The following GRM7 variants were observed in gnomAD, a reference collection of about 807,000 sequenced individuals.
GRM7 encodes the protein glutamate metabotropic receptor 7.
GRM7 carries 35 observed loss-of-function variants against 84.5 expected under a neutral mutation model. The ratio of observed to expected loss-of-function variants is 0.41; its 90% CI spans 0.32 to 0.55. GRM7 has a LOEUF of 0.55. Ranked by LOEUF, GRM7 falls within the 20% of genes least tolerant of loss-of-function variation. The pLI is 0.19. For missense variants in GRM7, 1,003 were observed against 1,194.6 expected (o/e 0.84, Z 2.36); for synonymous variants, 487 against 455.1 (o/e 1.07, Z -0.89).
At chr3:7,366,598 C>A (rs893224675) in intron 4 of GRM7, among the ~76,000 whole-genome samples, 3 of 151,736 alleles carry the variant, frequency 2.0e-5, no homozygotes, top group African/African-American at 7.2e-5. Context: ...CTTTATTTTT[C>A]TGTAAGTGCA....
chr3:7,299,612 T>C (rs1699928971), intron 3 of GRM7, among the ~76,000 whole-genome samples: 1 of 152,206 alleles, frequency 6.6e-6, no homozygotes, highest in South Asian at 2.1e-4. Context: ...CTTGTGGAGA[T>C]ATTCTGTATA....
intron 7 of GRM7, among the ~76,000 whole-genome samples, chr3:7,556,363 A>G (rs1025130485): frequency 6.6e-6 from 1 of 152,138 alleles, no homozygotes; most frequent in Non-Finnish European, 1.5e-5. Context: ...CTATGTTTTC[A>G]TCATTTTCAC....
chr3:6,885,625 G>C (rs1389442212), intron 1 of GRM7, among the ~76,000 whole-genome samples: 1 of 152,164 alleles, frequency 6.6e-6, no homozygotes, highest in Non-Finnish European at 1.5e-5. Flanking sequence ...CCCATGTCCG[G>C]TGCAAATGTA....
chr3:7,422,657 A>G (rs1372355640), intron 5 of GRM7, among the ~76,000 whole-genome samples: 1 of 152,124 alleles, frequency 6.6e-6, no homozygotes, highest in Non-Finnish European at 1.5e-5. Flanking sequence ...TGTCCTTAAT[A>G]CTTCAGTATT....
At chr3:7,238,307 T>C (rs538604171) in intron 2 of GRM7, among the ~76,000 whole-genome samples, 81 of 152,316 alleles carry the variant, frequency 5.3e-4, no homozygotes, top group African/African-American at 1.9e-3. Context: ...CACATTTGCT[T>C]CTGCTCTGCA....
At chr3:7,216,464 C>T (rs1229205049) in intron 2 of GRM7, among the ~76,000 whole-genome samples, 1 of 152,140 alleles carries the variant, frequency 6.6e-6, no homozygotes, top group Non-Finnish European at 1.5e-5. Context: ...AGTACATCCC[C>T]AAACTGATAA....
intron 4 of GRM7, among the ~76,000 whole-genome samples, chr3:7,382,259 A>C (rs185405310): frequency 1.6e-4 from 24 of 152,186 alleles, no homozygotes; most frequent in Admixed American, 1.3e-3. Flanking sequence ...ATGAGCTTTG[A>C]TTGCCTTTAG....
At chr3:6,877,625 C>G (rs1559300908) in intron 1 of GRM7, among the ~76,000 whole-genome samples, 1 of 152,028 alleles carries the variant, frequency 6.6e-6, no homozygotes, top group African/African-American at 2.4e-5. Context: ...CAAATTCGCT[C>G]TTTGATAGGC....
intron 2 of GRM7, among the ~76,000 whole-genome samples, chr3:7,199,569 T>G (rs1432751878): frequency 6.6e-6 from 1 of 152,178 alleles, no homozygotes; most frequent in Non-Finnish European, 1.5e-5. Context: ...TTTTACTCAC[T>G]CCCACCAGCC....
intron 6 of GRM7, among the ~76,000 whole-genome samples, chr3:7,456,685 TTC>T (rs879355869): frequency 1.1e-5 from 1 of 87,392 alleles, no homozygotes; most frequent in Admixed American, 1.1e-4. Context: ...AGGGCTAATT[TTC>T]TCTCTCTCTT....
chr3:7,412,615 G>C (rs964522413), intron 4 of GRM7, among the ~76,000 whole-genome samples: 1 of 152,122 alleles, frequency 6.6e-6, no homozygotes, highest in African/African-American at 2.4e-5. Context: ...CTTCACACCA[G>C]CTAAAGTCCA....
chr3:7,077,565 C>T (rs1037449788), intron 1 of GRM7, among the ~76,000 whole-genome samples: 3 of 134,432 alleles, frequency 2.2e-5, no homozygotes, highest in Non-Finnish European at 1.6e-5. Context: ...CACACTGGGG[C>T]CTGTCGGGGG....
intron 8 of GRM7, among the ~76,000 whole-genome samples, chr3:7,611,845 G>A (rs1367915723): frequency 6.6e-6 from 1 of 151,966 alleles, no homozygotes; most frequent in Non-Finnish European, 1.5e-5. Context: ...CTGGAGACGT[G>A]GAACATTGAA....
At chr3:6,866,791 C>G (rs1694952321) in intron 1 of GRM7, among the ~76,000 whole-genome samples, 1 of 152,186 alleles carries the variant, frequency 6.6e-6, no homozygotes, top group Admixed American at 6.5e-5. Context: ...TTCCTGGCCC[C>G]AGGGATGAGG....
intron 1 of GRM7, among the ~76,000 whole-genome samples, chr3:6,939,791 A>G (rs1697824460): frequency 6.6e-6 from 1 of 152,190 alleles, no homozygotes; most frequent in East Asian, 1.9e-4. Context: ...CAGCAGGCTA[A>G]GGATGTTTTC....
At chr3:6,964,602 TC>T (rs925912518) in intron 1 of GRM7, among the ~76,000 whole-genome samples, 4 of 152,130 alleles carry the variant, frequency 2.6e-5, no homozygotes, top group Admixed American at 6.5e-5. Context: ...TCTTTACACT[TC>T]CCCCAGAAAT....
At chr3:6,888,296 A>G (rs1695785710) in intron 1 of GRM7, among the ~76,000 whole-genome samples, 1 of 152,140 alleles carries the variant, frequency 6.6e-6, no homozygotes, top group South Asian at 2.1e-4. Flanking sequence ...TTAGACATGA[A>G]GTCCTTGCCC....
chr3:7,570,046 T>A (rs1262574193), intron 7 of GRM7, among the ~76,000 whole-genome samples: 3 of 152,074 alleles, frequency 2.0e-5, no homozygotes, highest in African/African-American at 7.2e-5. Context: ...ATGAGACTCA[T>A]TCACTATCAC....
At chr3:6,940,900 GAGCACTGGCACACACTGC>G (rs774108318) in intron 1 of GRM7, among the ~76,000 whole-genome samples, 55 of 152,316 alleles carry the variant, frequency 3.6e-4, no homozygotes, top group Middle Eastern at 3.4e-3. Flanking sequence ...TCTTCATAGT[GAGCACTGGCACACACTGC>G]AGCTGGCTGC....
Sources: allele counts gnomAD v4.1 joint callset (sites outside exome capture counted in the v4.1 genomes callset), GRCh38; gene constraint gnomAD v4.1.1; transcripts MANE v1.5; gene names NCBI Gene and HGNC (gene_info 2026-07-23, HGNC 2026-07-21).